HPSE2: variants seen among roughly 807,000 people sequenced by gnomAD.
HPSE2 encodes heparanase 2 (inactive).
HPSE2 carries 38 observed loss-of-function variants against 60.5 expected under a neutral mutation model. That is an observed-to-expected ratio of 0.63 (90% CI 0.48 to 0.82). The LOEUF (loss-of-function observed/expected upper bound fraction) is 0.82. Among genes scored for constraint, HPSE2 ranks in the 40% least tolerant of loss-of-function variants. The pLI is 0.00. For synonymous variants in HPSE2, 295 were observed against 293.2 expected (o/e 1.01, Z -0.06); for missense variants, 713 against 740.4 (o/e 0.96, Z 0.43).
chr10:98,607,091 C>G (rs982963130), intron 9 of HPSE2, among the ~76,000 whole-genome samples: 1 of 144,870 alleles, frequency 6.9e-6, no homozygotes, highest in African/African-American at 2.6e-5. Flanking sequence ...CCCTCCCTCC[C>G]TCCCTCTCTC....
At chr10:98,852,907 G>A (rs1952216511) in intron 3 of HPSE2, among the ~76,000 whole-genome samples, 2 of 152,156 alleles carry the variant, frequency 1.3e-5, no homozygotes, top group Non-Finnish European at 2.9e-5. Flanking sequence ...TGACCTTCTT[G>A]AACAAGAGCT....
chr10:99,140,406 T>C (rs1368157021), intron 3 of HPSE2, among the ~76,000 whole-genome samples: 1 of 152,240 alleles, frequency 6.6e-6, no homozygotes, highest in East Asian at 1.9e-4. Flanking sequence ...TTTCAAGCTG[T>C]CTGGATACAG....
chr10:98,918,573 G>A (rs542573866), intron 3 of HPSE2, among the ~76,000 whole-genome samples: 6 of 148,180 alleles, frequency 4.0e-5, no homozygotes, highest in Middle Eastern at 3.5e-3. Flanking sequence ...GTAAACTATC[G>A]CAAGGACAAA....
chr10:99,184,511 C>T (rs565559072), intron 2 of HPSE2, among the ~76,000 whole-genome samples: 1,071 of 85,284 alleles, frequency 0.013, 18 homozygotes, highest in African/African-American at 0.048. Context: ...GGCAACAGAG[C>T]GAGACTGTCT....
intron 3 of HPSE2, among the ~76,000 whole-genome samples, chr10:98,876,881 A>G (rs1345707381): frequency 6.6e-6 from 1 of 151,932 alleles, no homozygotes; most frequent in Non-Finnish European, 1.5e-5. Context: ...TTCTATTCTC[A>G]GACCAGATAA....
At chr10:99,025,818 C>A (rs1957365542) in intron 3 of HPSE2, among the ~76,000 whole-genome samples, 1 of 151,886 alleles carries the variant, frequency 6.6e-6, no homozygotes, top group Non-Finnish European at 1.5e-5. Flanking sequence ...GTACAAAAAA[C>A]CCTTGTGACA....
chr10:99,271,233 A>C, the HPSE2 span, among the ~76,000 whole-genome samples: 5 of 152,206 alleles, frequency 3.3e-5, no homozygotes, highest in African/African-American at 1.2e-4. Context: ...ATACATAGAA[A>C]ACCCAAAAGA....
Position 99,070,520 on chromosome 10 carries a change from AT to A in HPSE2, c.610+73717del, listed in dbSNP as rs369411270. On this transcript the variant is annotated intron_variant, in intron 3 of 11. Coordinates refer to ENST00000370552, the MANE Select transcript of HPSE2 (RefSeq NM_021828.5). ...TTTTATTGTAGTAAGAACATTTAGC[AT>A]GGCATCTACCATTTTAAAAAATCAA... 4.2e-3 allele frequency among the ~76,000 whole-genome samples: 647 copies of A among 152,356 alleles called. 2 individuals are homozygous for A. Among genetic ancestry groups the A allele is most frequent in the African/African-American group, 0.015 (618 of 41,580 alleles).
intron 3 of HPSE2, among the ~76,000 whole-genome samples, chr10:99,106,311 C>T (rs980331530): frequency 6.6e-6 from 1 of 152,070 alleles, no homozygotes; most frequent in Non-Finnish European, 1.5e-5. Context: ...GTACAATTAT[C>T]ATACTTTTGT....
intron 2 of HPSE2, among the ~76,000 whole-genome samples, chr10:99,190,382 A>T (rs1035867303): frequency 1.3e-5 from 2 of 152,198 alleles, no homozygotes; most frequent in Non-Finnish European, 2.9e-5. Context: ...AATCTGTTAC[A>T]TAGAATTTCT....
intron 3 of HPSE2, among the ~76,000 whole-genome samples, chr10:98,857,459 T>A (rs576499553): frequency 5.3e-5 from 8 of 152,184 alleles, no homozygotes; most frequent in Non-Finnish European, 1.2e-4. Flanking sequence ...AATATCTCTT[T>A]ATTGGTTGAG....
At chr10:98,645,566 A>C (rs1050783456) in intron 6 of HPSE2, among the ~76,000 whole-genome samples, 6 of 152,230 alleles carry the variant, frequency 3.9e-5, no homozygotes, top group Non-Finnish European at 7.3e-5. Context: ...CTCACATTAT[A>C]CTGAGAAGTT....
At chr10:99,195,377 G>A (rs77379015) in intron 2 of HPSE2, among the ~76,000 whole-genome samples, 3,149 of 149,170 alleles carry the variant, frequency 0.021, 110 homozygotes, top group East Asian at 0.16. Flanking sequence ...AATAAGACGA[G>A]AAAAAAACAA....
chr10:98,612,252 A>G (rs893509090), intron 9 of HPSE2, among the ~76,000 whole-genome samples: 2 of 152,238 alleles, frequency 1.3e-5, no homozygotes, highest in African/African-American at 4.8e-5. Context: ...GGCTACCATA[A>G]GAAACAGTGT....
intron 9 of HPSE2, among the ~76,000 whole-genome samples, chr10:98,530,541 AG>A (rs1302954445): frequency 6.6e-6 from 1 of 152,210 alleles, no homozygotes; most frequent in Non-Finnish European, 1.5e-5. Flanking sequence ...AAGTGTCATG[AG>A]GTCATACAGG....
intron 4 of HPSE2, among the ~76,000 whole-genome samples, chr10:98,724,131 T>C (rs112784024): frequency 0.041 from 6,164 of 152,114 alleles, 194 homozygotes; most frequent in East Asian, 0.12. Flanking sequence ...TACACACTGC[T>C]TTGAATGTGT....
intron 3 of HPSE2, among the ~76,000 whole-genome samples, chr10:98,794,431 G>C (rs1359670929): frequency 6.6e-6 from 1 of 152,070 alleles, no homozygotes; most frequent in Non-Finnish European, 1.5e-5. Flanking sequence ...TTTTAGTAGA[G>C]ATGGAGTTTC....
At chr10:98,925,351 T>C (rs34592150) in intron 3 of HPSE2, among the ~76,000 whole-genome samples, 24,229 of 139,396 alleles carry the variant, frequency 0.17, 2,230 homozygotes, top group East Asian at 0.32. Flanking sequence ...TTTAAACCTT[T>C]TATTTTAATT....
chr10:99,235,864 T>C (rs1357464340), upstream of HPSE2: 2 of 1,453,070 alleles, frequency 1.4e-6, no homozygotes, highest in African/African-American at 2.8e-5. Context: ...ATTGTCCTTA[T>C]CTAAAGTGTG....
Sources: allele counts gnomAD v4.1 joint callset (sites outside exome capture counted in the v4.1 genomes callset), GRCh38; gene constraint gnomAD v4.1.1; transcripts MANE v1.5; gene names NCBI Gene and HGNC (gene_info 2026-07-23, HGNC 2026-07-21).